Variants in PCDHA3 observed in about 807,000 individuals in gnomAD.
PCDHA3 encodes protocadherin alpha 3.
In PCDHA3, 41 loss-of-function variants were observed where a neutral mutation model predicts 62.2. The observed-to-expected ratio is 0.66, with a 90% CI of 0.51 to 0.86. The LOEUF (loss-of-function observed/expected upper bound fraction) is 0.86, where lower values mean the gene tolerates loss of function less well. Ranked by LOEUF, PCDHA3 falls within the 40% of genes least tolerant of loss-of-function variation. The pLI is 0.00. For missense variants in PCDHA3, 1,304 were observed against 1,241.2 expected (o/e 1.05, Z -0.76); for synonymous variants, 640 against 555.4 (o/e 1.15, Z -2.14).
chr5:140,807,783 C>T (rs782393420), intron 1 of PCDHA3: 10 of 1,614,144 alleles, frequency 6.2e-6, no homozygotes, highest in Non-Finnish European at 7.6e-6. Context: ...TTACGGAAAT[C>T]TTTAGACAGA....
rs371577720 is a variant in PCDHA3 at position 140,877,172 on chromosome 5, C to G, written c.2394+73581C>G. 239 of 1,613,700 alleles carry G rather than the reference C, an allele frequency of 1.5e-4. No homozygotes were observed. Among genetic ancestry groups the G allele is most frequent in the Non-Finnish European group, 1.9e-4 (229 of 1,179,846 alleles). On this transcript the variant is annotated intron_variant, in intron 1 of 3. Transcript: ENST00000522353. ...AACGACAACGCGCCGGCACTGCTGG[C>G]GACTCCGGCTGGCAGCGCAGGAGGC...
chr5:140,998,066 C>T (rs1234368433), intron 3 of PCDHA3, among the ~76,000 whole-genome samples: 2 of 152,160 alleles, frequency 1.3e-5, no homozygotes, highest in East Asian at 1.9e-4. Flanking sequence ...CATCAACAGA[C>T]TTAGCCTCTG....
chr5:140,822,864 A>T lies in PCDHA3; in HGVS notation c.2394+19273A>T, dbSNP rs2150119903. ...TCCTGCCTGTCAAAGAGGACGCTCC[A>T]CTCAGCACGGTCATTGCTCTGATCA... is the stretch of plus-strand genomic sequence containing the variant. On this transcript the variant is annotated intron_variant, in intron 1 of 3. Transcript: ENST00000522353. The T allele has an allele frequency of 6.2e-6, 10 of 1,614,160 alleles. No homozygotes were observed. In the East Asian group the frequency reaches 1.6e-4, roughly 25 times the overall value.
chr5:140,876,063 G>T (rs1404065760), intron 1 of PCDHA3: 1 of 1,613,860 alleles, frequency 6.2e-7, no homozygotes, highest in East Asian at 2.2e-5. Flanking sequence ...TAGTTCTTCG[G>T]AAGTTATTGG....
intron 1 of PCDHA3, chr5:140,878,023 T>C (rs1162658024): frequency 2.6e-6 from 2 of 762,594 alleles, no homozygotes; most frequent in Non-Finnish European, 3.8e-6. Context: ...GAAGGAAATA[T>C]GTAGGTACAA....
At chr5:140,899,814 G>A (rs1212568701) in intron 1 of PCDHA3, among the ~76,000 whole-genome samples, 8 of 152,012 alleles carry the variant, frequency 5.3e-5, no homozygotes, top group African/African-American at 7.2e-5. Flanking sequence ...ATTTTGTTTT[G>A]TTTTTCCTTT....
intron 1 of PCDHA3, chr5:140,835,865 G>C: frequency 1.2e-6 from 2 of 1,612,146 alleles, no homozygotes; most frequent in Non-Finnish European, 8.5e-7. Flanking sequence ...CCTACTCGCT[G>C]GTGGAGCTGC....
rs782306537 is a variant in PCDHA3, at chr5:140,802,329, G to A, written c.1132G>A (p.Asp378Asn). Residue 378 changes from aspartate to asparagine, a missense_variant, in exon 1 of 4, where the codon GAC becomes AAC. By Grantham distance (23) the Asp-to-Asn change is conservative (BLOSUM62 1). Transcript: ENST00000522353. ...CGCTCTGATCAGCGTGTCCGACCGC[G>A]ACTCAGGAGTCAATGGACAGGTCAC... ...VIALISVSDR[D>N]SGVNGQVTCS... 1.2e-5 allele frequency: 20 copies of A among 1,614,106 alleles called. No individual in the cohort carries two copies. The Admixed American group carries it at 3.2e-4, about 26-fold the overall frequency.
intron 1 of PCDHA3, among the ~76,000 whole-genome samples, chr5:140,913,589 T>G (rs1342360734): frequency 6.6e-6 from 1 of 152,168 alleles, no homozygotes; most frequent in Non-Finnish European, 1.5e-5. Context: ...TATTTCTGCT[T>G]TGATCTTTAT....
At chr5:140,821,687 TAA>T in intron 1 of PCDHA3, 1 of 1,378,436 alleles carries the variant, frequency 7.3e-7, no homozygotes, top group Non-Finnish European at 9.9e-7. Flanking sequence ...GGCGATAATA[TAA>T]AAAATATATA....
At position 140,842,211 on chromosome 5, in the gene PCDHA3, G is replaced by A. The variant is rs141101675; in HGVS notation, c.2394+38620G>A. The A allele has an allele frequency of 5.8e-5, 93 of 1,613,388 alleles. 2 individuals carry two copies. Among genetic ancestry groups the A allele is most frequent in the Non-Finnish European group, 5.4e-5 (64 of 1,179,636 alleles). ...GTTATTGACCACTTTAGCATAGATCGAAATACGGGAGAAATAGTGATTCGG... is the reference window on the plus strand; with the variant it reads ...GTTATTGACCACTTTAGCATAGATCAAAATACGGGAGAAATAGTGATTCGG... On this transcript the variant is annotated intron_variant, in intron 1 of 3. Transcript: ENST00000522353.
intron 3 of PCDHA3, among the ~76,000 whole-genome samples, chr5:140,993,229 C>T (rs1396962894): frequency 6.6e-6 from 1 of 152,092 alleles, no homozygotes; most frequent in Non-Finnish European, 1.5e-5. Flanking sequence ...GGTATGTTCT[C>T]TCTGAATCTG....
At chr5:140,931,044 CT>C (rs781930381) in intron 1 of PCDHA3, among the ~76,000 whole-genome samples, 67 of 152,264 alleles carry the variant, frequency 4.4e-4, no homozygotes, top group South Asian at 2.7e-3. Flanking sequence ...GCAAGAAAAA[CT>C]TCAATGCTGT....
chr5:140,925,267 G>C (rs931372584), intron 1 of PCDHA3, among the ~76,000 whole-genome samples: 14 of 152,060 alleles, frequency 9.2e-5, no homozygotes, highest in Non-Finnish European at 1.9e-4. Flanking sequence ...CTTGATCTGT[G>C]TTCAGATTTT....
chr5:140,950,512 G>T (rs1239372084), intron 1 of PCDHA3, among the ~76,000 whole-genome samples: 11 of 152,016 alleles, frequency 7.2e-5, no homozygotes, highest in Non-Finnish European at 7.4e-5. Context: ...TATTCCCTGT[G>T]TGCGATATGA....
intron 1 of PCDHA3, chr5:140,853,701 C>T: frequency 1.0e-6 from 1 of 987,936 alleles, no homozygotes; most frequent in Non-Finnish European, 1.2e-6. Context: ...CCTGCTAACG[C>T]ATTAGCATTA....
chr5:140,869,588 T>TC, intron 1 of PCDHA3: 1 of 1,614,114 alleles, frequency 6.2e-7, no homozygotes. Context: ...GATGCTGACA[T>TC]TGAAGAGAAT....
chr5:140,909,070 C>T (rs2074299054), intron 1 of PCDHA3, among the ~76,000 whole-genome samples: 1 of 152,146 alleles, frequency 6.6e-6, no homozygotes, highest in Non-Finnish European at 1.5e-5. Flanking sequence ...CACCAATAAG[C>T]CCAGTGTGTT....
intron 1 of PCDHA3, among the ~76,000 whole-genome samples, chr5:140,938,877 ACACACACACACACAGATGCG>A (rs1350432569): frequency 6.6e-6 from 1 of 150,854 alleles, no homozygotes; most frequent in Non-Finnish European, 1.5e-5. Flanking sequence ...TTAAGAAGCA[ACACACACACACACAGATGCG>A]CACACACACA....
Sources: gnomAD v4.1 joint callset for allele counts (sites outside exome capture counted in the v4.1 genomes callset) on GRCh38, gnomAD v4.1.1 for gene constraint, MANE v1.5 for transcripts, NCBI Gene and HGNC (gene_info 2026-07-23, HGNC 2026-07-21) for gene names.